ZFHX4: variants seen among roughly 807,000 people sequenced by gnomAD.
The protein encoded by ZFHX4 is zinc finger homeobox protein 4.
In ZFHX4, 56 loss-of-function variants were observed where a neutral mutation model predicts 267.6. The observed-to-expected ratio is 0.21, with a 90% CI of 0.17 to 0.26. The LOEUF is 0.26. Among genes scored for constraint, ZFHX4 ranks in the 10% least tolerant of loss-of-function variants. The pLI is 1.00. For missense variants in ZFHX4, 4,332 were observed against 4,420.0 expected (o/e 0.98, Z 0.56); for synonymous variants, 1,778 against 1,665.6 (o/e 1.07, Z -1.64).
intron 4 of ZFHX4, among the ~76,000 whole-genome samples, chr8:76,815,748 G>T (rs567200382): frequency 6.6e-6 from 1 of 152,018 alleles, no homozygotes; most frequent in Non-Finnish European, 1.5e-5. Flanking sequence ...AAATTCTCCC[G>T]CCTTGGTCTC....
At position 76,842,693 on chromosome 8, in the gene ZFHX4, A is replaced by G. The variant is rs1023399965; in HGVS notation, c.3433A>G (p.Thr1145Ala). The change falls in exon 6 of 11, where the codon ACA becomes GCA. Residue 1145 changes from threonine to alanine, a missense_variant. By Grantham distance (58) the Thr-to-Ala change is moderately conservative (BLOSUM62 0). This residue lies in a region of ZFHX4 where 1,371 missense variants were observed against 1,423.1 expected (regional missense o/e 0.96). Transcript: ENST00000651372. ...SEEAEGAIKPTAVAEDDEKDT... is the reference protein window; with the variant it reads ...SEEAEGAIKPAAVAEDDEKDT... ...GGAGGCAGAAGGAGCTATTAAGCCT[A>G]CAGCAGTGGCCGAGGACGATGAAAA... The G allele has an allele frequency of 1.9e-6, 3 of 1,554,034 alleles. No individual in the cohort carries two copies. The African/African-American group carries it at 4.1e-5, about 21-fold the overall frequency.
intron 4 of ZFHX4, among the ~76,000 whole-genome samples, chr8:76,827,422 C>T (rs1811816188): frequency 6.6e-6 from 1 of 152,114 alleles, no homozygotes; most frequent in South Asian, 2.1e-4. Flanking sequence ...GTTAGGGACC[C>T]CTGCTATAAG....
intron 1 of ZFHX4, 40 bp from the exon 2 acceptor site, chr8:76,704,003 T>C (rs1210562761): frequency 4.6e-6 from 6 of 1,304,040 alleles, no homozygotes; most frequent in African/African-American, 3.0e-5. Context: ...TGTGTCATTA[T>C]TTAATAAAAA....
At chr8:76,739,487 T>G (rs1809259204) in intron 3 of ZFHX4, among the ~76,000 whole-genome samples, 1 of 152,046 alleles carries the variant, frequency 6.6e-6, no homozygotes, top group South Asian at 2.1e-4. Flanking sequence ...CTTAAGAAAA[T>G]TCAATGATAG....
chr8:76,713,835 G>A (rs1050859457), intron 3 of ZFHX4, among the ~76,000 whole-genome samples: 1 of 151,854 alleles, frequency 6.6e-6, no homozygotes, highest in African/African-American at 2.4e-5. Context: ...GTCAGGGATT[G>A]GGGTTAGGTA....
At chr8:76,790,626 A>G (rs568709441) in intron 4 of ZFHX4, among the ~76,000 whole-genome samples, 2 of 152,334 alleles carry the variant, frequency 1.3e-5, no homozygotes, top group African/African-American at 4.8e-5. Flanking sequence ...ATATTTAATT[A>G]TCTTCTAATG....
intron 3 of ZFHX4, among the ~76,000 whole-genome samples, chr8:76,717,446 C>A (rs1808606478): frequency 6.6e-6 from 1 of 152,196 alleles, no homozygotes; most frequent in Non-Finnish European, 1.5e-5. Flanking sequence ...TTGTCAGTCA[C>A]TGACATTGCT....
At chr8:76,706,712 G>A in intron 2 of ZFHX4, 34 bp downstream of exon 2, 1 of 1,494,822 alleles carries the variant, frequency 6.7e-7, no homozygotes, top group Non-Finnish European at 8.9e-7. Flanking sequence ...ACTGTTGTTA[G>A]TTTCTAATCA....
chr8:76,710,614 A>C (rs559859716), intron 3 of ZFHX4, among the ~76,000 whole-genome samples: 2 of 152,208 alleles, frequency 1.3e-5, no homozygotes, highest in Non-Finnish European at 2.9e-5. Context: ...ATCATTTTGC[A>C]TCATGAATTA....
chr8:76,687,680 T>C (rs949231162), intron 1 of ZFHX4, among the ~76,000 whole-genome samples: 1 of 152,202 alleles, frequency 6.6e-6, no homozygotes, highest in African/African-American at 2.4e-5. Context: ...AGAATGCCTC[T>C]ACTAATAATC....
At position 76,706,323 on chromosome 8, in the gene ZFHX4, C is replaced by A. The variant is rs1198117851; in HGVS notation, c.2235C>A (p.Ala745=). Reference sequence around the variant, plus strand: ...AGGTGTTTGGCCACTCTGCCCCAGCCCCCAACACCAGCCTCAGTGGCTGCG... The same window carrying A: ...AGGTGTTTGGCCACTCTGCCCCAGCACCCAACACCAGCCTCAGTGGCTGCG... The part of the protein sequence containing the change: ...GEQVFGHSAP[A]PNTSLSGCGT... Residue 745 remains alanine, a synonymous_variant, in exon 2 of 11, where the codon GCC becomes GCA. Coordinates refer to ENST00000651372, the MANE Select transcript of ZFHX4 (RefSeq NM_024721.5). 1 of 1,613,982 alleles carries A rather than the reference C, an allele frequency of 6.2e-7. No individual in the cohort carries two copies. Among genetic ancestry groups the A allele is most frequent in the African/African-American group, 1.3e-5 (1 of 74,920 alleles).
chr8:76,715,481 TAAA>T (rs764567552), intron 3 of ZFHX4, among the ~76,000 whole-genome samples: 852 of 62,316 alleles, frequency 0.014, 8 homozygotes, highest in African/African-American at 0.051. Context: ...GACTCCATCT[TAAA>T]AAAAAAAAAA....
chr8:76,727,312 A>G (rs775980490), intron 3 of ZFHX4, among the ~76,000 whole-genome samples: 3 of 152,112 alleles, frequency 2.0e-5, no homozygotes, highest in Non-Finnish European at 4.4e-5. Context: ...CAACACTCAT[A>G]ATATTTTCAC....
chr8:76,812,757 G>A (rs1416875308), intron 4 of ZFHX4, among the ~76,000 whole-genome samples: 14 of 152,002 alleles, frequency 9.2e-5, no homozygotes, highest in South Asian at 8.3e-4. Context: ...AGATTGTAAC[G>A]AAAAAAATGG....
At chr8:76,742,517 G>A (rs1045242512) in intron 3 of ZFHX4, among the ~76,000 whole-genome samples, 2 of 152,174 alleles carry the variant, frequency 1.3e-5, no homozygotes, top group Admixed American at 6.5e-5. Flanking sequence ...ACTCTTCAAC[G>A]TTATAATATC....
At chr8:76,776,805 TAA>T (rs1810411480) in intron 3 of ZFHX4, among the ~76,000 whole-genome samples, 1 of 152,160 alleles carries the variant, frequency 6.6e-6, no homozygotes, top group African/African-American at 2.4e-5. Flanking sequence ...TAAAAAATAC[TAA>T]AAGTGTCCAT....
chr8:76,845,710 G>T (rs1295543784), intron 6 of ZFHX4, among the ~76,000 whole-genome samples: 1 of 151,878 alleles, frequency 6.6e-6, no homozygotes, highest in African/African-American at 2.4e-5. Context: ...ACAGCCTTCT[G>T]TATTTTAGGG....
At chr8:76,692,749 C>A (rs868198520) in intron 1 of ZFHX4, among the ~76,000 whole-genome samples, 1 of 151,922 alleles carries the variant, frequency 6.6e-6, no homozygotes, top group Non-Finnish European at 1.5e-5. Flanking sequence ...GTAAGATACA[C>A]ATTTAAAATT....
chr8:76,684,944 A>G (rs1011079587), intron 1 of ZFHX4, among the ~76,000 whole-genome samples: 6 of 152,202 alleles, frequency 3.9e-5, no homozygotes, highest in Admixed American at 6.5e-5. Context: ...GATTATCTCT[A>G]ATAACAATAT....
Sources: allele counts gnomAD v4.1 joint callset (sites outside exome capture counted in the v4.1 genomes callset), GRCh38; gene constraint gnomAD v4.1.1; regional missense constraint gnomAD v4.1.1; transcripts MANE v1.5; gene names NCBI Gene and HGNC (gene_info 2026-07-23, HGNC 2026-07-21).